Variants in RAD51B observed in about 807,000 individuals in gnomAD.
The protein encoded by RAD51B is RAD51 paralog B.
A neutral mutation model predicts 42.2 loss-of-function variants in RAD51B; 38 were observed. The ratio of observed to expected loss-of-function variants is 0.90; its 90% confidence interval spans 0.70 to 1.18. The LOEUF is 1.18. Among genes scored for constraint, RAD51B ranks in the 50% most tolerant of loss-of-function variants. The pLI is 0.00. For missense variants in RAD51B, 373 were observed against 400.7 expected, an observed-to-expected ratio of 0.93 and a Z score of 0.59; for synonymous variants, 154 against 145.2, an observed-to-expected ratio of 1.06 and a Z score of -0.43.
downstream of RAD51B, among the ~76,000 whole-genome samples, chr14:68,614,578 A>T (rs570733144): frequency 2.0e-5 from 3 of 152,256 alleles, no homozygotes; most frequent in Admixed American, 2.0e-4. Context: ...GGATTTGCTT[A>T]TTCTGGACAT....
intron 10 of RAD51B, among the ~76,000 whole-genome samples, chr14:68,486,836 G>A (rs1273300572): frequency 6.6e-6 from 1 of 152,208 alleles, no homozygotes; most frequent in Non-Finnish European, 1.5e-5. Context: ...ACAGGGTTTA[G>A]TGAGATGGCC....
intron 7 of RAD51B, among the ~76,000 whole-genome samples, chr14:68,223,096 C>G (rs1290939): frequency 0.17 from 26,614 of 152,206 alleles, 2,485 homozygotes; most frequent in Middle Eastern, 0.36. Flanking sequence ...ATGGCCATTT[C>G]TTACACTTCC....
At chr14:67,946,464 G>T (rs1462936352) in intron 7 of RAD51B, among the ~76,000 whole-genome samples, 1 of 152,054 alleles carries the variant, frequency 6.6e-6, no homozygotes, top group Non-Finnish European at 1.5e-5. Flanking sequence ...CGCCTCCCCA[G>T]TTCAAGCAGT....
intron 4 of RAD51B, among the ~76,000 whole-genome samples, chr14:67,854,179 T>A (rs2041910369): frequency 6.6e-6 from 1 of 152,220 alleles, no homozygotes; most frequent in East Asian, 1.9e-4. Flanking sequence ...ACACATATAC[T>A]GTATATCTGT....
chr14:68,329,764 G>A (rs1432957529), intron 8 of RAD51B, among the ~76,000 whole-genome samples: 7 of 152,028 alleles, frequency 4.6e-5, no homozygotes, highest in Non-Finnish European at 7.4e-5. Context: ...GGTGGATCAC[G>A]AGGTCAGGAG....
intron 10 of RAD51B, among the ~76,000 whole-genome samples, chr14:68,619,213 GCC>G (rs1304606053): frequency 1.3e-5 from 2 of 152,154 alleles, no homozygotes; most frequent in African/African-American, 2.4e-5. Context: ...GGTGGCTCAC[GCC>G]TGTAATCCCA....
At chr14:68,559,706 C>A (rs1046989361) in intron 10 of RAD51B, among the ~76,000 whole-genome samples, 1 of 152,142 alleles carries the variant, frequency 6.6e-6, no homozygotes, top group Non-Finnish European at 1.5e-5. Context: ...GCCCTGATTT[C>A]ATTAATCAAA....
chr14:68,234,494 G>A (rs1038705227), intron 7 of RAD51B, among the ~76,000 whole-genome samples: 3 of 152,142 alleles, frequency 2.0e-5, no homozygotes, highest in African/African-American at 7.2e-5. Context: ...AACCTAGATG[G>A]TATAGCCTGC....
intron 7 of RAD51B, among the ~76,000 whole-genome samples, chr14:68,080,933 A>C (rs913857284): frequency 6.6e-6 from 1 of 152,222 alleles, no homozygotes; most frequent in African/African-American, 2.4e-5. Context: ...ATTTCACTGA[A>C]GATCAGAGCC....
At chr14:68,026,418 A>G (rs188822482) in intron 7 of RAD51B, among the ~76,000 whole-genome samples, 136 of 152,110 alleles carry the variant, frequency 8.9e-4, no homozygotes, top group African/African-American at 3.1e-3. Context: ...TTCTGCCTCA[A>G]TGATCTTTCT....
chr14:68,249,602 T>TGG (rs2080576499), intron 7 of RAD51B, among the ~76,000 whole-genome samples: 2 of 152,234 alleles, frequency 1.3e-5, no homozygotes, highest in African/African-American at 4.8e-5. Context: ...AAAAACCAAC[T>TGG]GGACTATAGT....
intron 7 of RAD51B, among the ~76,000 whole-genome samples, chr14:68,167,619 A>C (rs2078780190): frequency 6.6e-6 from 1 of 152,076 alleles, no homozygotes; most frequent in Non-Finnish European, 1.5e-5. Flanking sequence ...TCAGTGTTGC[A>C]TGGAAATGGC....
At position 68,595,025 on chromosome 14, in the gene RAD51B, A is replaced by G. The variant is rs531181184; in HGVS notation, c.*422A>G. 55 of 1,072,672 alleles carry G rather than the reference A, an allele frequency of 5.1e-5. No individual in the cohort carries two copies. The Admixed American group carries it at 2.3e-3, about 45-fold the overall frequency. 66.4% of individuals were successfully genotyped at this position (1,072,672 alleles called of 1,614,324 possible). A position where few individuals can be genotyped will look rare whatever the true frequency, so the allele number is the denominator to read the frequency against. ...GACAAACTAGGATCCAGTAGCCTAG[A>G]TTTTGCCCCAGTTTCTCCACTGAGT... On this transcript the variant is annotated 3_prime_UTR_variant, in exon 11 of 11. Coordinates refer to the RAD51B transcript ENST00000487270.
chr14:68,561,196 C>G (rs1380157605), intron 10 of RAD51B, among the ~76,000 whole-genome samples: 1 of 152,222 alleles, frequency 6.6e-6, no homozygotes, highest in African/African-American at 2.4e-5. Flanking sequence ...TCGCATGGTG[C>G]CCGCTTCCAC....
intron 7 of RAD51B, among the ~76,000 whole-genome samples, chr14:68,086,161 G>T (rs947080649): frequency 6.6e-6 from 1 of 152,208 alleles, no homozygotes; most frequent in African/African-American, 2.4e-5. Flanking sequence ...GATGGGGGAA[G>T]CCAGAAGGGG....
At chr14:68,662,470 C>T (rs148666190) in intron 11 of RAD51B, among the ~76,000 whole-genome samples, 2 of 152,146 alleles carry the variant, frequency 1.3e-5, no homozygotes, top group African/African-American at 2.4e-5. Context: ...TGAAACAGAA[C>T]GGTCATGGGA....
intron 7 of RAD51B, among the ~76,000 whole-genome samples, chr14:68,025,476 CTTTT>C (rs765471138): frequency 1.7e-3 from 70 of 40,964 alleles, no homozygotes; most frequent in African/African-American, 5.5e-3. Flanking sequence ...CTGGTCTAGG[CTTTT>C]TTTTTTTTTT....
At chr14:68,537,154 G>A (rs1479730650) in intron 10 of RAD51B, among the ~76,000 whole-genome samples, 1 of 147,114 alleles carries the variant, frequency 6.8e-6, no homozygotes, top group Non-Finnish European at 1.5e-5. Flanking sequence ...AATAGCACAT[G>A]TCCCTGAATA....
At chr14:68,519,869 C>A (rs1886447753) in intron 10 of RAD51B, among the ~76,000 whole-genome samples, 1 of 152,072 alleles carries the variant, frequency 6.6e-6, no homozygotes, top group African/African-American at 2.4e-5. Context: ...CTTCATCCCA[C>A]TGAGCTGGAA....
Sources: allele counts gnomAD v4.1 joint callset (sites outside exome capture counted in the v4.1 genomes callset), GRCh38; gene constraint gnomAD v4.1.1; transcripts MANE v1.5; gene names NCBI Gene and HGNC (gene_info 2026-07-23, HGNC 2026-07-21).